TXNDC15: variants seen among roughly 807,000 people sequenced by gnomAD.
TXNDC15 encodes thioredoxin domain-containing protein 15.
TXNDC15 carries 24 observed loss-of-function variants against 35.0 expected under a neutral mutation model. That is an observed-to-expected ratio of 0.68 (90% CI 0.50 to 0.96). TXNDC15 has a LOEUF of 0.96. Among genes scored for constraint, TXNDC15 ranks in the 40% least tolerant of loss-of-function variants. The pLI is 0.00. For missense variants in TXNDC15, 385 were observed against 453.3 expected (o/e 0.85, Z 1.37); for synonymous variants, 169 against 174.0 (o/e 0.97, Z 0.23).
chr5:134,874,229 A>C (rs1483765536), upstream of TXNDC15: 1 of 549,612 alleles, frequency 1.8e-6, no homozygotes, highest in African/African-American at 2.0e-5. Context: ...TAGCTCCTAA[A>C]GAGGTCTCCA....
chr5:134,890,419 T>C (rs1164372045), intron 2 of TXNDC15, among the ~76,000 whole-genome samples: 1 of 151,752 alleles, frequency 6.6e-6, no homozygotes, highest in Non-Finnish European at 1.5e-5. Context: ...TTCTTTCTTT[T>C]TTTTTTGAGA....
rs531917507 is a variant in TXNDC15, at chr5:134,900,306, A to T, written c.*621A>T. ...GAAATGCTGTAACTAAAGCTCAATT[A>T]TTATCAGTTCTATGCTAACGTATAC... is the stretch of plus-strand genomic sequence containing the variant. On this transcript the variant is annotated 3_prime_UTR_variant, in exon 5 of 5. Coordinates refer to ENST00000358387, the MANE Select transcript of TXNDC15 (RefSeq NM_024715.4). 3.3e-5 allele frequency: 5 copies of T among 152,434 alleles called. No individual in the cohort carries two copies. The South Asian group carries it at 6.2e-4, about 19-fold the overall frequency. The allele number at this position is 152,434 out of a possible 1,614,324, so 9.4% of individuals were successfully genotyped here.
At chr5:134,879,743 T>G (rs960702593) in intron 1 of TXNDC15, among the ~76,000 whole-genome samples, 2 of 151,744 alleles carry the variant, frequency 1.3e-5, no homozygotes, top group Non-Finnish European at 2.9e-5. Flanking sequence ...TGCCCAAGCC[T>G]TAAACTCTGT....
chr5:134,877,920 C>T (rs571203234), intron 1 of TXNDC15, among the ~76,000 whole-genome samples: 1 of 152,134 alleles, frequency 6.6e-6, no homozygotes, highest in African/African-American at 2.4e-5. Flanking sequence ...TTACAGGCAC[C>T]CGTCACTACA....
At chr5:134,875,899 A>T (rs1750024712) in intron 1 of TXNDC15, among the ~76,000 whole-genome samples, 1 of 151,590 alleles carries the variant, frequency 6.6e-6, no homozygotes. Flanking sequence ...GGAACTCCTG[A>T]CCTCAGGTGA....
At chr5:134,889,378 C>G (rs1396897874) in intron 2 of TXNDC15, among the ~76,000 whole-genome samples, 1 of 152,200 alleles carries the variant, frequency 6.6e-6, no homozygotes, top group Non-Finnish European at 1.5e-5. Context: ...CACATGCCAC[C>G]ACGCCTGGCT....
chr5:134,882,603 C>G (rs1232586233), intron 1 of TXNDC15, among the ~76,000 whole-genome samples: 2 of 152,350 alleles, frequency 1.3e-5, no homozygotes, highest in African/African-American at 4.8e-5. Context: ...CTCGGGAGGC[C>G]GAGGCTGGCG....
chr5:134,874,874 C>T (rs1750001103), intron 1 of TXNDC15, among the ~76,000 whole-genome samples: 1 of 152,260 alleles, frequency 6.6e-6, no homozygotes, highest in African/African-American at 2.4e-5. Flanking sequence ...ATATCAAATA[C>T]CGACATTGTT....
chr5:134,888,013 C>T lies in TXNDC15; in HGVS notation c.422C>T (p.Pro141Leu). The change falls in exon 2 of 5, where the codon CCT (proline) becomes CTT (leucine). Residue 141 changes from proline to leucine, a missense_variant. Physicochemically the swap from Pro to Leu is moderately conservative, Grantham distance 98. Transcript: ENST00000358387. ...FSLDGAGAHF[P>L]DREEEYYTEP... Reference sequence around the variant, plus strand: ...CTGGATGGCGCTGGAGCACACTTCCCTGACAGAGAAGAGGAGTATTACACA... The same window carrying T: ...CTGGATGGCGCTGGAGCACACTTCCTTGACAGAGAAGAGGAGTATTACACA... 1 of 1,614,196 alleles carries T rather than the reference C, an allele frequency of 6.2e-7. No homozygotes were observed. The highest frequency in any genetic ancestry group is 8.5e-7 in the Non-Finnish European group (1 of 1,180,048).
chr5:134,896,651 C>CTTT (rs11438328), intron 4 of TXNDC15, among the ~76,000 whole-genome samples: 1 of 134,398 alleles, frequency 7.4e-6, no homozygotes, highest in Non-Finnish European at 1.6e-5. Context: ...TTTTTTTTCC[C>CTTT]TTTTTTTTTT....
chr5:134,881,847 C>G (rs34265887), intron 1 of TXNDC15, among the ~76,000 whole-genome samples: 5 of 143,516 alleles, frequency 3.5e-5, no homozygotes, highest in Admixed American at 6.9e-5. Context: ...CCGGACGGGG[C>G]GGCTGGCCAG....
chr5:134,896,788 C>T (rs945792148), intron 4 of TXNDC15, among the ~76,000 whole-genome samples: 3 of 151,502 alleles, frequency 2.0e-5, no homozygotes, highest in African/African-American at 4.9e-5. Flanking sequence ...GGACTACAGG[C>T]GCCCGCCACC....
rs756116278 is a variant in TXNDC15, at chr5:134,887,744, T to G, written c.153T>G (p.Pro51=). ...RLWSEEQPAH[P]LQVGAVYLGE... ...GGTCAGAGGAGCAGCCTGCTCACCCTCTCCAGGTGGGGGCTGTGTACCTGG... is the reference window on the plus strand; with the variant it reads ...GGTCAGAGGAGCAGCCTGCTCACCCGCTCCAGGTGGGGGCTGTGTACCTGG... Residue 51 remains proline, a synonymous_variant, in exon 2 of 5, where the codon CCT becomes CCG. Transcript: ENST00000358387. 21 of 1,610,534 alleles carry G rather than the reference T, an allele frequency of 1.3e-5. No homozygotes were observed. The highest frequency in any genetic ancestry group is 1.8e-5 in the Non-Finnish European group (21 of 1,177,322).
chr5:134,899,560 A>AAC lies in TXNDC15; in HGVS notation c.959_960insCA (p.Lys320AsnfsTer15). 3 of 1,614,040 alleles carry AAC rather than the reference A, an allele frequency of 1.9e-6. No homozygotes were observed. The highest frequency in any genetic ancestry group is 2.5e-6 in the Non-Finnish European group (3 of 1,180,008). ...AGGCCCTCTTCCCAGCACTTTGATA[A>AAC]AAAGTGTGGACTGGTTGCTTGTATT... On this transcript the variant is annotated frameshift_variant, in exon 5 of 5. Coordinates refer to ENST00000358387, the MANE Select transcript of TXNDC15 (RefSeq NM_024715.4). LOFTEE classifies it high-confidence loss of function.
At position 134,887,905 on chromosome 5, in the gene TXNDC15, T is replaced by G. The variant is rs1373577880; in HGVS notation, c.314T>G (p.Val105Gly). 1.9e-6 allele frequency: 3 copies of G among 1,614,124 alleles called. No individual in the cohort carries two copies. Among genetic ancestry groups the G allele is most frequent in the Non-Finnish European group, 2.5e-6 (3 of 1,180,024 alleles). The change falls in exon 2 of 5, where the codon GTG becomes GGG. Residue 105 changes from valine (V) to glycine (G), a missense_variant. Physicochemically the swap from Val to Gly is moderately radical, Grantham distance 109. Transcript: ENST00000358387. ...ATTCCTGGGGAAGCTGAGGACAAAG[T>G]GAGTTCAGAGCCTAGCGGCGTCACC... ...SVIPGEAEDK[V>G]SSEPSGVTCG...
intron 1 of TXNDC15, among the ~76,000 whole-genome samples, chr5:134,885,266 A>G (rs769674345): frequency 1.6e-4 from 24 of 152,206 alleles, no homozygotes; most frequent in Non-Finnish European, 2.9e-4. Context: ...CAGTGAAGTT[A>G]CTTGAGAACA....
Position 134,874,468 on chromosome 5 carries a change from G to T in TXNDC15, c.41G>T (p.Arg14Leu). The change falls in exon 1 of 5, where the codon CGG becomes CTG. Residue 14 changes from arginine (R) to leucine (L), a missense_variant. Physicochemically the swap from Arg to Leu is moderately radical, Grantham distance 102. Transcript: ENST00000358387. The stretch of plus-strand genomic sequence containing the variant: ...GGTCGACGACCGCCCCGCGTCATGC[G>T]GCTCCTCGGCTGGTGGCAAGTATTG... ...AAGRRPPRVM[R>L]LLGWWQVLLW... 6.2e-6 allele frequency: 10 copies of T among 1,605,540 alleles called. No individual in the cohort carries two copies. Among genetic ancestry groups the T allele is most frequent in the Non-Finnish European group, 8.5e-6 (10 of 1,177,824 alleles).
At position 134,883,399 on chromosome 5, in the gene TXNDC15, C is replaced by T. The variant is rs190101237; in HGVS notation, c.104-4296C>T. ...GTGAGATCGTGCCACTGCACTCCAGCCTGTGCTACAGAGCAAGACTCTGTC... is the reference window on the plus strand; with the variant it reads ...GTGAGATCGTGCCACTGCACTCCAGTCTGTGCTACAGAGCAAGACTCTGTC... On this transcript the variant is annotated intron_variant, in intron 1 of 4. Transcript: ENST00000358387. 3.5e-3 allele frequency among the ~76,000 whole-genome samples: 538 copies of T among 151,952 alleles called. 7 individuals are homozygous for T. Among genetic ancestry groups the T allele is most frequent in the African/African-American group, 0.012 (509 of 41,456 alleles).
intron 2 of TXNDC15, chr5:134,892,582 T>C (rs999678949): frequency 2.6e-5 from 4 of 152,226 alleles, no homozygotes; most frequent in Non-Finnish European, 5.9e-5. Flanking sequence ...TTTGCATTTA[T>C]AATGTGGCTG....
Sources: gnomAD v4.1 joint callset for allele counts (sites outside exome capture counted in the v4.1 genomes callset) on GRCh38, gnomAD v4.1.1 for gene constraint, MANE v1.5 for transcripts, NCBI Gene and HGNC (gene_info 2026-07-23, HGNC 2026-07-21) for gene names.